TBXAS1: variants seen among roughly 807,000 people sequenced by gnomAD.
TBXAS1 encodes the protein thromboxane A synthase 1, also known as thromboxane-A synthase.
A neutral mutation model predicts 60.7 loss-of-function variants in TBXAS1; 48 were observed. The observed-to-expected ratio is 0.79, with a 90% CI of 0.63 to 1.01. The LOEUF (loss-of-function observed/expected upper bound fraction) is 1.01. Among genes scored for constraint, TBXAS1 ranks in the 50% least tolerant of loss-of-function variants. The pLI, the probability that TBXAS1 is intolerant of heterozygous loss-of-function variation, is 0.00. For missense variants in TBXAS1, 685 were observed against 686.3 expected (o/e 1.00, Z 0.02); for synonymous variants, 287 against 269.7 (o/e 1.06, Z -0.63).
In TBXAS1 at chr7:139,975,444, T is replaced by C. The variant is rs1181620196; in HGVS notation, c.1134+13211T>C. ...CCATGATTCCATGGTTCTGATGCCA[T>C]TCCTCAGCGCTCTGCTGTTCTTGCC... On this transcript the variant is annotated intron_variant, in intron 9 of 12. Coordinates refer to ENST00000448866, the MANE Select transcript of TBXAS1 (RefSeq NM_001061.7). The surrounding 1 kb of genome is among the most constrained non-coding windows in gnomAD (Gnocchi z 4.4). Among the ~76,000 whole-genome samples, 1 of 152,156 alleles carries C rather than the reference T, an allele frequency of 6.6e-6. No homozygotes were observed.
intron 3 of TBXAS1, among the ~76,000 whole-genome samples, chr7:139,910,608 G>T (rs904471523): frequency 1.3e-5 from 2 of 152,182 alleles, no homozygotes; most frequent in African/African-American, 4.8e-5. Flanking sequence ...CTGCAGTACA[G>T]CCTGGACAAA....
At chr7:139,905,023 C>CT (rs1168357612) in intron 3 of TBXAS1, among the ~76,000 whole-genome samples, 1,231 of 78,702 alleles carry the variant, frequency 0.016, 27 homozygotes, top group African/African-American at 0.082. Flanking sequence ...TTCTTTCTTT[C>CT]TTTCTTTCTT....
chr7:139,932,476 A>T (rs182713138), intron 4 of TBXAS1, among the ~76,000 whole-genome samples: 2 of 152,126 alleles, frequency 1.3e-5, no homozygotes, highest in Non-Finnish European at 2.9e-5. Context: ...GTTCTCCTTC[A>T]GATGAGCTGA....
At chr7:140,006,962 C>A in intron 9 of TBXAS1, 129 bp from the exon 10 acceptor site, 1 of 921,474 alleles carries the variant, frequency 1.1e-6, no homozygotes, top group Non-Finnish European at 1.8e-6. Context: ...TACCGACTTT[C>A]CATTTTGTGG....
chr7:139,985,568 T>G (rs1812388970), intron 9 of TBXAS1, among the ~76,000 whole-genome samples: 1 of 152,240 alleles, frequency 6.6e-6, no homozygotes, highest in South Asian at 2.1e-4. Flanking sequence ...ATACACTGGA[T>G]GAAAAAGCTA....
chr7:139,780,212 AATAC>A (rs202233281), intron 1 of TBXAS1, among the ~76,000 whole-genome samples: 3,571 of 152,350 alleles, frequency 0.023, 119 homozygotes, highest in African/African-American at 0.081. Flanking sequence ...ACTCCCTGTT[AATAC>A]ATACCCTACA....
At chr7:139,858,174 A>T (rs1231583359) in intron 1 of TBXAS1, among the ~76,000 whole-genome samples, 2 of 152,208 alleles carry the variant, frequency 1.3e-5, no homozygotes, top group Non-Finnish European at 2.9e-5. Flanking sequence ...CATGGCCTCC[A>T]GGTGACCCAT....
rs1036879530 is a variant in TBXAS1 at position 140,013,169 on chromosome 7, G to A, written c.1227-2554G>A. 2.7e-4 allele frequency among the ~76,000 whole-genome samples: 41 copies of A among 152,270 alleles called. No homozygotes were observed. Among genetic ancestry groups the A allele is most frequent in the African/African-American group, 9.4e-4 (39 of 41,562 alleles). Reference sequence around the variant, plus strand: ...TGAATACAGGTAGGTGAGTTGAAGGGAGTTCTGACAGGTAAGACTGTTGTC... The same window carrying A: ...TGAATACAGGTAGGTGAGTTGAAGGAAGTTCTGACAGGTAAGACTGTTGTC... On this transcript the variant is annotated intron_variant, in intron 10 of 12. Coordinates refer to ENST00000448866, the MANE Select transcript of TBXAS1 (RefSeq NM_001061.7). This position sits in a 1 kb window ranked among gnomAD's most constrained non-coding sequence, Gnocchi z 4.2.
intron 1 of TBXAS1, among the ~76,000 whole-genome samples, chr7:139,848,802 T>C (rs964235824): frequency 2.6e-4 from 39 of 152,256 alleles, no homozygotes; most frequent in African/African-American, 8.2e-4. Flanking sequence ...CTGTCCACTG[T>C]AGCGGGAGGC....
chr7:139,938,856 A>C (rs1808028973), intron 5 of TBXAS1, among the ~76,000 whole-genome samples: 1 of 152,248 alleles, frequency 6.6e-6, no homozygotes. Context: ...AAGGTTTAGC[A>C]GTCCTGGGCT....
intron 4 of TBXAS1, among the ~76,000 whole-genome samples, chr7:139,796,414 C>A (rs920889216): frequency 4.6e-5 from 7 of 152,174 alleles, no homozygotes; most frequent in Non-Finnish European, 7.3e-5. Flanking sequence ...GTGATTCCAA[C>A]TATGATATTC....
intron 1 of TBXAS1, among the ~76,000 whole-genome samples, chr7:139,862,807 A>T (rs1801064587): frequency 6.6e-6 from 1 of 152,226 alleles, no homozygotes; most frequent in Non-Finnish European, 1.5e-5. Flanking sequence ...TCATCAGTTC[A>T]TTAGTATATG....
At chr7:139,803,403 G>A (rs1797768047) in intron 4 of TBXAS1, among the ~76,000 whole-genome samples, 1 of 152,152 alleles carries the variant, frequency 6.6e-6, no homozygotes, top group Non-Finnish European at 1.5e-5. Context: ...AAATTTCTAA[G>A]CAGAAAAGTA....
chr7:139,883,604 A>G (rs895603931), intron 3 of TBXAS1, among the ~76,000 whole-genome samples: 3 of 152,212 alleles, frequency 2.0e-5, no homozygotes, highest in African/African-American at 4.8e-5. Context: ...ATCTGCAGTT[A>G]AAATCCCAGC....
chr7:139,925,813 C>T (rs985415882), intron 4 of TBXAS1, among the ~76,000 whole-genome samples: 1 of 151,932 alleles, frequency 6.6e-6, no homozygotes, highest in African/African-American at 2.4e-5. Flanking sequence ...GATTGATGTT[C>T]CTTCTATGCC....
At chr7:139,859,031 A>G (rs1800779946) in intron 1 of TBXAS1, among the ~76,000 whole-genome samples, 1 of 151,440 alleles carries the variant, frequency 6.6e-6, no homozygotes, top group Non-Finnish European at 1.5e-5. Flanking sequence ...AGAATTAACC[A>G]TGCCCGGTTA....
intron 8 of TBXAS1, 60 bp downstream of exon 8, chr7:139,957,824 GTC>G: frequency 1.2e-6 from 2 of 1,610,120 alleles, no homozygotes; most frequent in Admixed American, 1.7e-5. Context: ...TGGCATCACT[GTC>G]TCTGCTCTTT....
chr7:139,874,371 G>A (rs933472924), intron 2 of TBXAS1, among the ~76,000 whole-genome samples: 3 of 152,162 alleles, frequency 2.0e-5, no homozygotes, highest in African/African-American at 7.2e-5. Flanking sequence ...CGTAGCTGTC[G>A]ACATGAGGAG....
At chr7:139,947,408 C>T (rs1808813803) in intron 5 of TBXAS1, among the ~76,000 whole-genome samples, 1 of 152,002 alleles carries the variant, frequency 6.6e-6, no homozygotes, top group South Asian at 2.1e-4. Flanking sequence ...ACACTGAGGC[C>T]TGTTGGGGGA....
Sources: allele counts gnomAD v4.1 joint callset (sites outside exome capture counted in the v4.1 genomes callset), GRCh38; gene constraint gnomAD v4.1.1; non-coding constraint Gnocchi (gnomAD v3.1); transcripts MANE v1.5; gene names NCBI Gene and HGNC (gene_info 2026-07-23, HGNC 2026-07-21).